ANO4: variants seen among roughly 807,000 people sequenced by gnomAD.
ANO4 encodes the protein anoctamin-4.
A neutral mutation model predicts 141.9 loss-of-function variants in ANO4; 69 were observed. The observed-to-expected ratio is 0.49, with a 90% CI of 0.40 to 0.59. The LOEUF (loss-of-function observed/expected upper bound fraction) is 0.59. ANO4 is among the 20% of genes least tolerant of loss of function. The probability of loss-of-function intolerance (pLI) is 0.00; values close to 1 mark genes in which losing one functional copy is unlikely to be tolerated. For missense variants in ANO4, 894 were observed against 1,162.2 expected (o/e 0.77, Z 3.36); for synonymous variants, 350 against 394.3 (o/e 0.89, Z 1.33).
At chr12:100,887,441 T>C (rs2039890477) in intron 1 of ANO4, among the ~76,000 whole-genome samples, 3 of 152,186 alleles carry the variant, frequency 2.0e-5, no homozygotes, top group South Asian at 2.1e-4. Flanking sequence ...AAATGCCAAA[T>C]AGTTAAATTT....
intron 8 of ANO4, among the ~76,000 whole-genome samples, chr12:100,999,643 G>A (rs942361994): frequency 5.9e-5 from 9 of 152,178 alleles, no homozygotes; most frequent in African/African-American, 2.2e-4. Flanking sequence ...GCCAAGGGTT[G>A]GGACAGAGGA....
chr12:101,118,231 T>A (rs948245089), intron 25 of ANO4, among the ~76,000 whole-genome samples: 2 of 152,144 alleles, frequency 1.3e-5, no homozygotes, highest in African/African-American at 4.8e-5. Context: ...TTATTTGGAG[T>A]TAAAAACTTT....
At chr12:100,801,267 T>C (rs1369580795) in intron 1 of ANO4, among the ~76,000 whole-genome samples, 1 of 152,186 alleles carries the variant, frequency 6.6e-6, no homozygotes, top group African/African-American at 2.4e-5. Flanking sequence ...GGTGCTGTCA[T>C]TGGCAGCTTC....
chr12:101,063,726 G>A (rs1323380048), intron 14 of ANO4, among the ~76,000 whole-genome samples: 1 of 129,230 alleles, frequency 7.7e-6, no homozygotes. Flanking sequence ...TTTAATGGAT[G>A]GAAGGTTGTC....
At chr12:100,956,303 C>T (rs569386001) in intron 5 of ANO4, among the ~76,000 whole-genome samples, 1 of 152,340 alleles carries the variant, frequency 6.6e-6, no homozygotes, top group African/African-American at 2.4e-5. Context: ...GGTGGTGTTA[C>T]TGCTCACTAG....
intron 1 of ANO4, among the ~76,000 whole-genome samples, chr12:100,730,561 C>T (rs1436102874): frequency 6.6e-6 from 1 of 152,124 alleles, no homozygotes; most frequent in Non-Finnish European, 1.5e-5. Flanking sequence ...TTTTTTAAAA[C>T]CAACGAACAT....
chr12:101,039,852 C>T, intron 10 of ANO4, 103 bp from the exon 11 acceptor site: 1 of 1,287,632 alleles, frequency 7.8e-7, no homozygotes, highest in Non-Finnish European at 1.1e-6. Context: ...TTTCTCATAC[C>T]ACTCCTATCA....
At position 100,874,382 on chromosome 12, in the gene ANO4, A is replaced by G. The variant is rs114320383; in HGVS notation, c.-140-27264A>G. Among the ~76,000 whole-genome samples the G allele has an allele frequency of 4.8e-3, 735 of 152,356 alleles. 9 individuals carry two copies. Among genetic ancestry groups the G allele is most frequent in the African/African-American group, 0.017 (712 of 41,592 alleles). ...GCAATCTATACCAATCCTTGGTAGC[A>G]GCCATGGGAGCTGATCCCTGTATAG... On this transcript the variant is annotated intron_variant, in intron 1 of 27. Transcript: ENST00000392977.
intron 8 of ANO4, among the ~76,000 whole-genome samples, chr12:100,995,595 C>G (rs2045333250): frequency 6.6e-6 from 1 of 152,186 alleles, no homozygotes; most frequent in Non-Finnish European, 1.5e-5. Context: ...CCACATATAA[C>G]TCAGCATTGA....
At chr12:101,116,825 G>A in intron 25 of ANO4, 27 bp downstream of exon 25, 1 of 1,613,792 alleles carries the variant, frequency 6.2e-7, no homozygotes, top group Non-Finnish European at 8.5e-7. Flanking sequence ...GCGTGGCTCT[G>A]CCTGAGCTGG....
At chr12:101,049,984 G>A (rs1238468427) in intron 14 of ANO4, among the ~76,000 whole-genome samples, 1 of 152,188 alleles carries the variant, frequency 6.6e-6, no homozygotes. Context: ...GGGAAATAGG[G>A]AGTTAGCAGC....
chr12:101,125,514 A>G (rs2051275116), intron 26 of ANO4, among the ~76,000 whole-genome samples: 2 of 152,182 alleles, frequency 1.3e-5, no homozygotes, highest in South Asian at 4.2e-4. Flanking sequence ...GTTGAAAAGG[A>G]GTGGTAAGAG....
intron 8 of ANO4, among the ~76,000 whole-genome samples, chr12:101,007,093 C>T (rs757787911): frequency 2.0e-5 from 3 of 152,192 alleles, no homozygotes; most frequent in Non-Finnish European, 4.4e-5. Context: ...TGGTTCATGA[C>T]TGTAATCCCA....
At chr12:100,984,724 T>C (rs1251754170) in intron 7 of ANO4, among the ~76,000 whole-genome samples, 2 of 152,190 alleles carry the variant, frequency 1.3e-5, no homozygotes, top group African/African-American at 4.8e-5. Context: ...CTCAGCTTCC[T>C]TTTACCATGC....
intron 1 of ANO4, among the ~76,000 whole-genome samples, chr12:100,842,022 T>G (rs1218625250): frequency 6.9e-6 from 1 of 144,790 alleles, no homozygotes; most frequent in African/African-American, 2.6e-5. Flanking sequence ...AAATTCTCTG[T>G]GTAGCTTCTG....
In ANO4 at chr12:100,923,605, A is replaced by G. The variant is rs530129208; in HGVS notation, c.160+1275A>G. Among the ~76,000 whole-genome samples, 30 of 152,242 alleles carry G rather than the reference A, an allele frequency of 2.0e-4. No homozygotes were observed. In the East Asian group the frequency reaches 5.4e-3, roughly 27 times the overall value. On this transcript the variant is annotated intron_variant, in intron 3 of 27. Coordinates refer to ENST00000392977, the MANE Select transcript of ANO4 (RefSeq NM_001286615.2). ...AGTGCCGCAATAAACATACGTGTGCATGTGTCTTTATAGTAGCATGATTTA... is the reference window on the plus strand; with the variant it reads ...AGTGCCGCAATAAACATACGTGTGCGTGTGTCTTTATAGTAGCATGATTTA...
intron 5 of ANO4, among the ~76,000 whole-genome samples, chr12:100,957,786 A>G (rs111413787): frequency 0.011 from 1,695 of 152,326 alleles, 15 homozygotes; most frequent in Non-Finnish European, 0.018. Flanking sequence ...CTGCAGAACT[A>G]TGAACTAAAT....
intron 7 of ANO4, among the ~76,000 whole-genome samples, chr12:100,978,429 TA>T (rs2136297922): frequency 6.6e-6 from 1 of 152,316 alleles, no homozygotes; most frequent in East Asian, 1.9e-4. Flanking sequence ...TTTTATGGGA[TA>T]TTAAATGCCA....
chr12:100,839,688 A>C (rs2037135243), intron 1 of ANO4, among the ~76,000 whole-genome samples: 1 of 152,108 alleles, frequency 6.6e-6, no homozygotes, highest in East Asian at 1.9e-4. Context: ...GAACATTTTA[A>C]AGATTTTTTT....
Sources: gnomAD v4.1 joint callset for allele counts (sites outside exome capture counted in the v4.1 genomes callset) on GRCh38, gnomAD v4.1.1 for gene constraint, MANE v1.5 for transcripts, NCBI Gene and HGNC (gene_info 2026-07-23, HGNC 2026-07-21) for gene names.